NDUFS1: variants seen among roughly 807,000 people sequenced by gnomAD.
NDUFS1 encodes NADH:ubiquinone oxidoreductase core subunit S1.
NDUFS1 carries 61 observed loss-of-function variants against 84.4 expected under a neutral mutation model. The observed-to-expected ratio is 0.72, with a 90% CI of 0.59 to 0.89. The LOEUF is 0.89. Ranked by LOEUF, NDUFS1 falls within the 40% of genes least tolerant of loss-of-function variation. The pLI is 0.00. For missense variants in NDUFS1, 891 were observed against 890.0 expected (o/e 1.00, Z -0.01); for synonymous variants, 275 against 290.0 (o/e 0.95, Z 0.53).
At chr2:206,158,622 C>T (rs905023983) in intron 1 of NDUFS1, among the ~76,000 whole-genome samples, 1 of 152,172 alleles carries the variant, frequency 6.6e-6, no homozygotes, top group Non-Finnish European at 1.5e-5. Flanking sequence ...CAAGAATATT[C>T]CGCAAAACAA....
chr2:206,155,728 T>C (rs1687623805), intron 1 of NDUFS1, among the ~76,000 whole-genome samples: 1 of 147,652 alleles, frequency 6.8e-6, no homozygotes, highest in Non-Finnish European at 1.5e-5. Context: ...AATTTTTTTA[T>C]TTTTTAGTAG....
chr2:206,136,025 T>G (rs1691696024), intron 13 of NDUFS1, among the ~76,000 whole-genome samples: 1 of 150,896 alleles, frequency 6.6e-6, no homozygotes, highest in Non-Finnish European at 1.5e-5. Flanking sequence ...CTTGGACAAC[T>G]GCATCAGCTT....
intron 2 of NDUFS1, 48 bp from the exon 3 acceptor site, chr2:206,152,558 T>C (rs775330447): frequency 1.1e-5 from 16 of 1,505,920 alleles, no homozygotes; most frequent in Non-Finnish European, 1.3e-5. Context: ...CAGTTTATTA[T>C]AGCAGATGAT....
chr2:206,138,040 GA>G (rs1691787389), intron 13 of NDUFS1, among the ~76,000 whole-genome samples: 1 of 152,100 alleles, frequency 6.6e-6, no homozygotes, highest in Admixed American at 6.6e-5. Context: ...TGGGGTGGTG[GA>G]ATTTTAGGTA....
chr2:206,144,811 A>G, intron 9 of NDUFS1, 81 bp downstream of exon 9: 1 of 1,451,856 alleles, frequency 6.9e-7, no homozygotes, highest in South Asian at 1.2e-5. Flanking sequence ...ATTTGCAAAT[A>G]TAAAAGATAA....
chr2:206,159,028 G>C (rs1209789191), intron 1 of NDUFS1: 1 of 1,497,886 alleles, frequency 6.7e-7, no homozygotes, highest in Admixed American at 2.0e-5. Context: ...GGAATAAAAC[G>C]GCCTCCTCCT....
At chr2:206,136,912 C>T (rs997609864) in intron 13 of NDUFS1, among the ~76,000 whole-genome samples, 2 of 151,350 alleles carry the variant, frequency 1.3e-5, no homozygotes, top group African/African-American at 4.9e-5. Context: ...CACCACCATG[C>T]CCAGCTAATT....
At chr2:206,140,232 C>T (rs1304500718) in intron 12 of NDUFS1, among the ~76,000 whole-genome samples, 1 of 151,948 alleles carries the variant, frequency 6.6e-6, no homozygotes, top group Non-Finnish European at 1.5e-5. Context: ...GCCTGCAGTC[C>T]CAGCTACTCA....
At position 206,141,088 on chromosome 2, in the gene NDUFS1, A is replaced by C. The variant is rs12468619; in HGVS notation, c.1262+853T>G. On this transcript the variant is annotated intron_variant, in intron 12 of 18. Coordinates refer to ENST00000233190, the MANE Select transcript of NDUFS1 (RefSeq NM_005006.7). ...TAAAAAGCTAATAAAGTAAATTTAAAAGACTCGCAAGGAGAGGAGAAAACG... is the reference window on the plus strand; with the variant it reads ...TAAAAAGCTAATAAAGTAAATTTAACAGACTCGCAAGGAGAGGAGAAAACG... Among the ~76,000 whole-genome samples, 845 of 152,208 alleles carry C rather than the reference A, an allele frequency of 5.6e-3. 4 individuals are homozygous for C. The highest frequency in any genetic ancestry group is 0.014 in the Middle Eastern group (4 of 294).
At chr2:206,157,981 T>TTTTTTA (rs1182214834) in intron 1 of NDUFS1, among the ~76,000 whole-genome samples, 1 of 150,758 alleles carries the variant, frequency 6.6e-6, no homozygotes. Context: ...TTTTTTTTTT[T>TTTTTTA]GAGACAGAGT....
At chr2:206,153,732 CAACT>C (rs761841300) in intron 1 of NDUFS1, 50 bp from the exon 2 acceptor site, 7 of 994,008 alleles carry the variant, frequency 7.0e-6, no homozygotes, top group Admixed American at 4.3e-5. Flanking sequence ...AAACAATCAC[CAACT>C]GTTTGGTAAT....
intron 3 of NDUFS1, 65 bp from the exon 4 acceptor site, chr2:206,149,990 T>C (rs1293450595): frequency 4.6e-6 from 5 of 1,079,870 alleles, no homozygotes; most frequent in Non-Finnish European, 5.7e-6. Context: ...ACTGCTGTTA[T>C]TGCTGAAACA....
intron 14 of NDUFS1, among the ~76,000 whole-genome samples, chr2:206,130,555 A>C (rs2105949292): frequency 6.6e-6 from 1 of 152,200 alleles, no homozygotes; most frequent in South Asian, 2.1e-4. Flanking sequence ...GGGTTTCACC[A>C]TGTTGGCCAG....
intron 13 of NDUFS1, among the ~76,000 whole-genome samples, chr2:206,133,487 C>T (rs551848089): frequency 6.6e-6 from 1 of 152,334 alleles, no homozygotes; most frequent in Non-Finnish European, 1.5e-5. Context: ...ATCATGCCTA[C>T]TATCTTCCAT....
intron 1 of NDUFS1, among the ~76,000 whole-genome samples, chr2:206,154,589 A>G (rs1346665327): frequency 6.6e-6 from 1 of 152,224 alleles, no homozygotes; most frequent in Non-Finnish European, 1.5e-5. Flanking sequence ...AAGACACACA[A>G]AACAGAAAAG....
At chr2:206,156,262 CA>C (rs577904073) in intron 1 of NDUFS1, among the ~76,000 whole-genome samples, 1,561 of 94,080 alleles carry the variant, frequency 0.017, 20 homozygotes, top group African/African-American at 0.043. Flanking sequence ...CACTCTGTCT[CA>C]AAAAAAAAAA....
chr2:206,153,711 T>C (rs1692463784), intron 1 of NDUFS1, 29 bp from the exon 2 acceptor site: 2 of 1,238,062 alleles, frequency 1.6e-6, no homozygotes, highest in Middle Eastern at 2.3e-4. Flanking sequence ...ATTATATTAT[T>C]GTAGGGAAAA....
In NDUFS1 at chr2:206,122,406, A is replaced by T. The variant is rs1691122357; in HGVS notation, c.*1779T>A. The stretch of plus-strand genomic sequence containing the variant: ...CACTTTGGGAGGCCAAGGCAGGTAG[A>T]TCACCTGAGGTTAGGAGTTCAAGAC... On this transcript the variant is annotated 3_prime_UTR_variant, in exon 19 of 19. Transcript: ENST00000233190. 6.6e-6 allele frequency: 1 copy of T among 151,960 alleles called. No homozygotes were observed. The highest frequency in any genetic ancestry group is 1.5e-5 in the Non-Finnish European group (1 of 68,058). 9.4% of individuals were successfully genotyped at this position (151,960 alleles called of 1,614,324 possible).
chr2:206,143,207 G>A (rs999504142), intron 10 of NDUFS1, among the ~76,000 whole-genome samples: 17 of 152,166 alleles, frequency 1.1e-4, no homozygotes, highest in African/African-American at 3.6e-4. Flanking sequence ...ACCCGAGATC[G>A]AGATCGCGCC....
Sources: allele counts gnomAD v4.1 joint callset (sites outside exome capture counted in the v4.1 genomes callset), GRCh38; gene constraint gnomAD v4.1.1; transcripts MANE v1.5; gene names NCBI Gene and HGNC (gene_info 2026-07-23, HGNC 2026-07-21).